Variants in SPOCK1 observed in about 807,000 individuals in gnomAD.
SPOCK1 encodes the protein SPARC (osteonectin), cwcv and kazal like domains proteoglycan 1, also known as testican-1.
A neutral mutation model predicts 55.3 loss-of-function variants in SPOCK1; 23 were observed. The ratio of observed to expected loss-of-function variants is 0.42; its 90% CI spans 0.30 to 0.59. SPOCK1 has a LOEUF of 0.59. Among genes scored for constraint, SPOCK1 ranks in the 20% least tolerant of loss-of-function variants. The pLI, the probability that SPOCK1 is intolerant of heterozygous loss-of-function variation, is 0.22. For missense variants in SPOCK1, 499 were observed against 552.5 expected (o/e 0.90, Z 0.97); for synonymous variants, 226 against 221.0 (o/e 1.02, Z -0.20).
chr5:137,148,800 G>A (rs975918678), intron 3 of SPOCK1, among the ~76,000 whole-genome samples: 3 of 152,194 alleles, frequency 2.0e-5, no homozygotes, highest in Non-Finnish European at 4.4e-5. Flanking sequence ...CACAGCCAGT[G>A]AGCCTGGATT....
At chr5:137,435,819 A>T (rs2149830478) in intron 2 of SPOCK1, among the ~76,000 whole-genome samples, 1 of 151,152 alleles carries the variant, frequency 6.6e-6, no homozygotes, top group South Asian at 2.1e-4. Context: ...TTTTACCAGC[A>T]TCTTAATTTT....
At chr5:137,201,945 C>A (rs1307930291) in intron 3 of SPOCK1, among the ~76,000 whole-genome samples, 1 of 152,240 alleles carries the variant, frequency 6.6e-6, no homozygotes, top group East Asian at 1.9e-4. Flanking sequence ...GCAAGCCACA[C>A]AACTCTCAGT....
intron 4 of SPOCK1, among the ~76,000 whole-genome samples, chr5:137,124,203 T>C (rs1323670418): frequency 2.6e-5 from 4 of 152,170 alleles, no homozygotes; most frequent in African/African-American, 9.7e-5. Context: ...TCAATTAGTT[T>C]GCAGCATATT....
intron 2 of SPOCK1, among the ~76,000 whole-genome samples, chr5:137,349,699 A>T (rs1677365619): frequency 6.6e-6 from 1 of 152,028 alleles, no homozygotes; most frequent in South Asian, 2.1e-4. Flanking sequence ...GCATTCCTTG[A>T]CTTGTAGATG....
At chr5:136,988,362 C>T in intron 8 of SPOCK1, 60 bp downstream of exon 8, 1 of 1,400,820 alleles carries the variant, frequency 7.1e-7, no homozygotes, top group Non-Finnish European at 1.0e-6. Context: ...ATACGCAGTC[C>T]TCCTCTGCTC....
chr5:137,049,072 C>T (rs1331787213), intron 6 of SPOCK1, among the ~76,000 whole-genome samples: 1 of 139,220 alleles, frequency 7.2e-6, no homozygotes, highest in African/African-American at 2.7e-5. Context: ...CTGCCCTTAA[C>T]ATTTTTTCCT....
chr5:137,154,633 A>G (rs1354681727), intron 3 of SPOCK1, among the ~76,000 whole-genome samples: 1 of 152,210 alleles, frequency 6.6e-6, no homozygotes, highest in Non-Finnish European at 1.5e-5. Context: ...TCTGTTGAAC[A>G]TGTTGAAGTC....
intron 2 of SPOCK1, among the ~76,000 whole-genome samples, chr5:137,450,665 G>A (rs149575777): frequency 2.6e-5 from 4 of 152,142 alleles, no homozygotes; most frequent in East Asian, 1.9e-4. Flanking sequence ...CCTTAGCTCC[G>A]AACTTCACAA....
intron 3 of SPOCK1, among the ~76,000 whole-genome samples, chr5:137,192,681 A>G (rs1755207295): frequency 6.6e-6 from 1 of 152,248 alleles, no homozygotes; most frequent in Admixed American, 6.5e-5. Flanking sequence ...ATCTATCAAC[A>G]GAAAGATGGA....
chr5:137,242,634 A>T (rs763794493), intron 3 of SPOCK1, among the ~76,000 whole-genome samples: 4 of 152,188 alleles, frequency 2.6e-5, no homozygotes, highest in Non-Finnish European at 5.9e-5. Context: ...GCTACACAGG[A>T]GGCTGAGGTG....
rs1274905890 is a variant in SPOCK1 at position 137,055,377 on chromosome 5, C to T, written c.589+12338G>A. On this transcript the variant is annotated intron_variant, in intron 6 of 10. Coordinates refer to ENST00000394945, the MANE Select transcript of SPOCK1 (RefSeq NM_004598.4). ...CCTCAATTTTAGGGCAAAAAAAACCCTCTGGGGGTATTGTTTTAAGCTTTA... is the reference window on the plus strand; with the variant it reads ...CCTCAATTTTAGGGCAAAAAAAACCTTCTGGGGGTATTGTTTTAAGCTTTA... 6.6e-5 allele frequency among the ~76,000 whole-genome samples: 10 copies of T among 152,262 alleles called. 1 individual carries two copies. The Middle Eastern group carries it at 0.02, about 311-fold the overall frequency.
chr5:137,010,342 A>G (rs1163180971), intron 6 of SPOCK1, among the ~76,000 whole-genome samples: 1 of 152,076 alleles, frequency 6.6e-6, no homozygotes, highest in Non-Finnish European at 1.5e-5. Flanking sequence ...CATGGCCAGC[A>G]TGTACGTTTG....
chr5:136,980,651 G>A (rs967781037), intron 9 of SPOCK1, among the ~76,000 whole-genome samples: 4 of 152,144 alleles, frequency 2.6e-5, no homozygotes, highest in Middle Eastern at 3.2e-3. Flanking sequence ...CCAGCCATGT[G>A]GAACTGTGAG....
chr5:137,169,901 T>C (rs1341899446), intron 3 of SPOCK1, among the ~76,000 whole-genome samples: 1 of 152,258 alleles, frequency 6.6e-6, no homozygotes. Flanking sequence ...ACATCTTCAC[T>C]GTAGCATTCA....
chr5:137,474,415 G>C (rs2348605), intron 2 of SPOCK1, among the ~76,000 whole-genome samples: 61,543 of 151,820 alleles, frequency 0.41, 13,482 homozygotes, highest in East Asian at 0.64. Flanking sequence ...CTAATGGTAT[G>C]GTGTTTGATT....
At chr5:137,140,280 G>A (rs781255284) in intron 4 of SPOCK1, among the ~76,000 whole-genome samples, 22 of 152,158 alleles carry the variant, frequency 1.4e-4, no homozygotes, top group Non-Finnish European at 2.8e-4. Context: ...GCATCACTCT[G>A]GGAGGAGAAA....
intron 3 of SPOCK1, among the ~76,000 whole-genome samples, chr5:137,192,786 A>C (rs1755209970): frequency 6.6e-6 from 1 of 152,208 alleles, no homozygotes; most frequent in Admixed American, 6.5e-5. Flanking sequence ...AAACCTCAAG[A>C]CTATGTCAAG....
chr5:137,147,517 G>C (rs1332251821), intron 3 of SPOCK1, among the ~76,000 whole-genome samples: 2 of 152,170 alleles, frequency 1.3e-5, no homozygotes, highest in African/African-American at 2.4e-5. Flanking sequence ...CCCTCTTCCT[G>C]GCTTGCAGCC....
intron 2 of SPOCK1, among the ~76,000 whole-genome samples, chr5:137,366,113 G>A (rs1009064469): frequency 1.3e-5 from 2 of 152,110 alleles, no homozygotes; most frequent in Non-Finnish European, 2.9e-5. Flanking sequence ...CAGTGAGCAG[G>A]AAACAGACAA....
Sources: allele counts gnomAD v4.1 joint callset (sites outside exome capture counted in the v4.1 genomes callset), GRCh38; gene constraint gnomAD v4.1.1; transcripts MANE v1.5; gene names NCBI Gene and HGNC (gene_info 2026-07-23, HGNC 2026-07-21).